The following TENM1 variants were observed in gnomAD, a reference collection of about 807,000 sequenced individuals.
TENM1 encodes teneurin transmembrane protein 1, also known as teneurin-1.
A neutral mutation model predicts 174.8 loss-of-function variants in TENM1; 35 were observed. The ratio of observed to expected loss-of-function variants is 0.20; its 90% confidence interval spans 0.15 to 0.27. The LOEUF (loss-of-function observed/expected upper bound fraction) is 0.27. Ranked by LOEUF, TENM1 falls within the 10% of genes least tolerant of loss-of-function variation. TENM1 has a pLI of 1.00. For synonymous variants in TENM1, 781 were observed against 798.7 expected (o/e 0.98, Z 0.37); for missense variants, 1,633 against 2,130.1 (o/e 0.77, Z 4.59).
chrX:124,721,213 C>T (rs891263081), intron 4 of TENM1, among the ~76,000 whole-genome samples: 6 of 111,516 alleles, frequency 5.4e-5, no homozygotes, highest in Non-Finnish European at 1.1e-4. Flanking sequence ...AAAACTCACA[C>T]GGGGCCATTA....
In TENM1 at chrX:124,604,696, G is replaced by GT. The variant is rs1403211346; in HGVS notation, c.2077+37094dup. 2.9e-3 allele frequency among the ~76,000 whole-genome samples: 323 copies of GT among 110,946 alleles called. 2 individuals carry two copies. The highest frequency in any genetic ancestry group is 9.8e-3 in the African/African-American group (301 of 30,676). On this transcript the variant is annotated intron_variant, in intron 11 of 31. Coordinates refer to ENST00000422452, the Ensembl canonical transcript of TENM1. ...AACTTACAGGAATGTTGGAAATATA[G>GT]TGTAACTATTTGAAAAACACTTTGA...
intron 16 of TENM1, among the ~76,000 whole-genome samples, chrX:124,526,993 T>C (rs772357488): frequency 7.1e-5 from 8 of 112,184 alleles, no homozygotes; most frequent in Admixed American, 1.9e-4. Flanking sequence ...TATACCTAAG[T>C]TGAAGGTGGT....
At chrX:125,083,586 C>A in the TENM1 span, among the ~76,000 whole-genome samples, 7 of 110,736 alleles carry the variant, frequency 6.3e-5, no homozygotes, top group South Asian at 1.1e-3. Flanking sequence ...GTCAAAAAAA[C>A]CCCACATATA....
intron 20 of TENM1, among the ~76,000 whole-genome samples, chrX:124,494,403 A>C (rs2047140345): frequency 1.8e-5 from 2 of 111,934 alleles, no homozygotes; most frequent in Admixed American, 9.5e-5. Flanking sequence ...TACAGCTGTC[A>C]TAACTAGAAA....
chrX:124,812,316 G>C (rs905971261), intron 3 of TENM1, among the ~76,000 whole-genome samples: 2 of 111,006 alleles, frequency 1.8e-5, no homozygotes, highest in African/African-American at 6.5e-5. Context: ...ATTTGAACAA[G>C]CTAAAATAAG....
intron 3 of TENM1, among the ~76,000 whole-genome samples, chrX:124,777,234 C>A (rs938423382): frequency 1.8e-5 from 2 of 111,727 alleles, no homozygotes; most frequent in Admixed American, 1.9e-4. Flanking sequence ...CTGAAGGTCA[C>A]AATGCCACCT....
At chrX:125,081,926 G>C in the TENM1 span, among the ~76,000 whole-genome samples, 1 of 110,742 alleles carries the variant, frequency 9.0e-6, no homozygotes, top group Non-Finnish European at 1.9e-5. Flanking sequence ...CTCATAAGTG[G>C]GAGCTAAACA....
chrX:124,574,074 G>A (rs1472108505), intron 11 of TENM1, among the ~76,000 whole-genome samples: 1 of 112,073 alleles, frequency 8.9e-6, no homozygotes, highest in Non-Finnish European at 1.9e-5. Flanking sequence ...CTGTGCAAAT[G>A]TATTGGAAAA....
At chrX:124,959,625 G>A (rs1233227215) in intron 1 of TENM1, among the ~76,000 whole-genome samples, 1 of 110,650 alleles carries the variant, frequency 9.0e-6, no homozygotes, top group East Asian at 2.8e-4. Flanking sequence ...TTTTCCAATC[G>A]CTGATGGGAA....
At chrX:124,797,744 A>G (rs1000173137) in intron 3 of TENM1, among the ~76,000 whole-genome samples, 5 of 108,961 alleles carry the variant, frequency 4.6e-5, no homozygotes, top group African/African-American at 1.3e-4. Flanking sequence ...GGTTTGTTAC[A>G]TAGGTATATG....
intron 4 of TENM1, among the ~76,000 whole-genome samples, chrX:124,726,159 G>A (rs965048325): frequency 1.7e-4 from 19 of 112,451 alleles, no homozygotes; most frequent in Admixed American, 5.6e-4. Context: ...GCATTGCCAA[G>A]TAAATCTTCT....
chrX:124,786,213 T>C (rs1351426620), intron 3 of TENM1, among the ~76,000 whole-genome samples: 1 of 111,239 alleles, frequency 9.0e-6, no homozygotes, highest in Middle Eastern at 4.3e-3. Context: ...TGGGAAGCAG[T>C]TGATATTTGT....
At chrX:125,067,608 A>G in the TENM1 span, among the ~76,000 whole-genome samples, 2 of 111,949 alleles carry the variant, frequency 1.8e-5, no homozygotes, top group East Asian at 5.7e-4. Flanking sequence ...TCAGTCATCA[A>G]AAGAAATGCT....
intron 11 of TENM1, among the ~76,000 whole-genome samples, chrX:124,620,615 G>A (rs2050496006): frequency 8.9e-6 from 1 of 111,996 alleles, no homozygotes; most frequent in Non-Finnish European, 1.9e-5. Context: ...GCACACTTAA[G>A]ATGTACCTGA....
chrX:124,523,116 T>A (rs762873768), intron 17 of TENM1, among the ~76,000 whole-genome samples: 1 of 112,408 alleles, frequency 8.9e-6, no homozygotes, highest in South Asian at 3.7e-4. Flanking sequence ...AGGTCAAAGA[T>A]TGGAGTTTAA....
chrX:125,127,211 T>G, the TENM1 span, among the ~76,000 whole-genome samples: 1 of 111,350 alleles, frequency 9.0e-6, no homozygotes, highest in Non-Finnish European at 1.9e-5. Flanking sequence ...GCAGGAAAAT[T>G]TTAAGTTATT....
chrX:125,162,374 T>C, the TENM1 span, among the ~76,000 whole-genome samples: 177 of 112,552 alleles, frequency 1.6e-3, 2 homozygotes, highest in East Asian at 0.047. Context: ...ACTTCCTCAG[T>C]AACTCACTCA....
intron 22 of TENM1, among the ~76,000 whole-genome samples, chrX:124,460,148 A>T (rs944318439): frequency 8.9e-6 from 1 of 112,066 alleles, no homozygotes; most frequent in Non-Finnish European, 1.9e-5. Flanking sequence ...AATTAGTTCA[A>T]CCATTGTGGA....
chrX:124,591,905 C>T (rs1193840803), intron 11 of TENM1, among the ~76,000 whole-genome samples: 1 of 111,960 alleles, frequency 8.9e-6, no homozygotes, highest in African/African-American at 3.2e-5. Context: ...TTCTCAAATA[C>T]TTTGTTCATT....
Sources: allele counts gnomAD v4.1 joint callset (sites outside exome capture counted in the v4.1 genomes callset), GRCh38; gene constraint gnomAD v4.1.1; transcripts MANE v1.5; gene names NCBI Gene and HGNC (gene_info 2026-07-23, HGNC 2026-07-21).